The following HIVEP3 variants were observed in gnomAD, a reference collection of about 807,000 sequenced individuals.
The protein encoded by HIVEP3 is HIVEP zinc finger 3, also known as transcription factor HIVEP3.
HIVEP3 carries 49 observed loss-of-function variants against 152.8 expected under a neutral mutation model. The observed-to-expected ratio is 0.32, with a 90% CI of 0.26 to 0.41. The LOEUF is 0.41. Among genes scored for constraint, HIVEP3 ranks in the 10% least tolerant of loss-of-function variants. HIVEP3 has a pLI of 1.00. For missense variants in HIVEP3, 2,790 were observed against 3,103.3 expected (o/e 0.90, Z 2.40); for synonymous variants, 1,269 against 1,289.0 (o/e 0.98, Z 0.33).
intron 2 of HIVEP3, among the ~76,000 whole-genome samples, chr1:41,663,667 C>T (rs1645752696): frequency 6.6e-6 from 1 of 152,208 alleles, no homozygotes; most frequent in South Asian, 2.1e-4. Context: ...GAACCCCCAC[C>T]TTCTAAGAGG....
chr1:41,697,826 G>A (rs1199038963), intron 2 of HIVEP3, among the ~76,000 whole-genome samples: 1 of 152,120 alleles, frequency 6.6e-6, no homozygotes, highest in African/African-American at 2.4e-5. Flanking sequence ...TTTAATTGAG[G>A]GCCTGCTAGG....
chr1:41,879,093 C>T (rs964339055), intron 1 of HIVEP3, among the ~76,000 whole-genome samples: 2 of 152,134 alleles, frequency 1.3e-5, no homozygotes, highest in African/African-American at 4.8e-5. Flanking sequence ...AATCCAGAGG[C>T]GAACAAGGCC....
intron 5 of HIVEP3, among the ~76,000 whole-genome samples, chr1:41,526,029 C>T (rs1299469540): frequency 2.0e-5 from 3 of 152,052 alleles, no homozygotes; most frequent in East Asian, 1.9e-4. Context: ...CACCACCTGC[C>T]CCTGCCTGGT....
chr1:41,824,887 CAG>C (rs1642751002), intron 1 of HIVEP3, among the ~76,000 whole-genome samples: 1 of 131,256 alleles, frequency 7.6e-6, no homozygotes, highest in Non-Finnish European at 1.7e-5. Flanking sequence ...GAAAGAGAGA[CAG>C]AGAGATGGAG....
At chr1:41,613,501 A>C (rs181511486) in intron 3 of HIVEP3, among the ~76,000 whole-genome samples, 225 of 152,346 alleles carry the variant, frequency 1.5e-3, no homozygotes, top group African/African-American at 5.1e-3. Context: ...TTGTGAGTGA[A>C]TAAATAAATA....
chr1:42,005,906 C>A (rs1645456787), intron 1 of HIVEP3, among the ~76,000 whole-genome samples: 1 of 152,166 alleles, frequency 6.6e-6, no homozygotes, highest in South Asian at 2.1e-4. Context: ...CTCTTCTTGG[C>A]TGGTTCAGTG....
At chr1:41,950,994 T>G (rs1645103455) in intron 1 of HIVEP3, among the ~76,000 whole-genome samples, 1 of 152,156 alleles carries the variant, frequency 6.6e-6, no homozygotes, top group Non-Finnish European at 1.5e-5. Context: ...TCTAACCACA[T>G]TTGAACTTTA....
intron 3 of HIVEP3, among the ~76,000 whole-genome samples, chr1:41,610,020 A>G (rs935894258): frequency 6.6e-6 from 1 of 152,212 alleles, no homozygotes; most frequent in Non-Finnish European, 1.5e-5. Flanking sequence ...TGCCCTCCCC[A>G]GAGGACAGGG....
At chr1:41,800,043 A>G (rs1413382199) in intron 1 of HIVEP3, among the ~76,000 whole-genome samples, 9 of 152,198 alleles carry the variant, frequency 5.9e-5, no homozygotes. Flanking sequence ...CAGGGACAAG[A>G]GCATCAATTC....
chr1:41,631,269 G>A (rs1307510292), intron 2 of HIVEP3, among the ~76,000 whole-genome samples: 6 of 152,090 alleles, frequency 3.9e-5, no homozygotes, highest in South Asian at 2.1e-4. Context: ...CACTTCTGAC[G>A]TCTGCAACTT....
chr1:41,752,613 T>C (rs1236756192), intron 1 of HIVEP3, among the ~76,000 whole-genome samples: 2 of 152,160 alleles, frequency 1.3e-5, no homozygotes, highest in African/African-American at 4.8e-5. Flanking sequence ...AGCATCAGCG[T>C]CATCTGGGAA....
At chr1:41,841,720 T>C (rs1643295002) in intron 1 of HIVEP3, among the ~76,000 whole-genome samples, 1 of 152,218 alleles carries the variant, frequency 6.6e-6, no homozygotes, top group African/African-American at 2.4e-5. Context: ...AAGTGATGGC[T>C]CCAGAGGGAG....
chr1:41,561,679 AT>A lies in HIVEP3; in HGVS notation c.5207+13864del, dbSNP rs56969476. On this transcript the variant is annotated intron_variant, in intron 5 of 8. Coordinates refer to ENST00000372583, the MANE Select transcript of HIVEP3 (RefSeq NM_024503.5). ...AGGCACACACTACCATGCCCAGCTA[AT>A]TTTTTTTTTTTTTTTGTAGAGACAA... Among the ~76,000 whole-genome samples the A allele has an allele frequency of 1.9e-3, 247 of 127,078 alleles. 1 individual carries two copies. Among genetic ancestry groups the A allele is most frequent in the East Asian group, 9.7e-3 (36 of 3,712 alleles). The allele number at this position is 127,078 out of a possible 152,430, so 83.4% of individuals were successfully genotyped here.
rs372666409 is a variant in HIVEP3 at position 41,518,493 on chromosome 1, A to G, written c.5384-5T>C. The stretch of plus-strand genomic sequence containing the variant: ...TCATGTGCTTAGTCAGATTCCCTAG[A>G]AAGAAACGAGAATACTTAGGCTCTG... On this transcript the variant is annotated splice_region_variant and splice_polypyrimidine_tract_variant and intron_variant, in intron 6 of 8. Transcript: ENST00000372583. 3 of 1,612,994 alleles carry G rather than the reference A, an allele frequency of 1.9e-6. No individual in the cohort carries two copies. The African/African-American group carries it at 4.0e-5, about 22-fold the overall frequency.
chr1:41,514,115 G>A (rs1338804698), intron 7 of HIVEP3, among the ~76,000 whole-genome samples: 1 of 152,098 alleles, frequency 6.6e-6, no homozygotes, highest in East Asian at 1.9e-4. Context: ...ACAGCAGTAG[G>A]GCTGGGATTG....
chr1:41,842,966 T>C (rs1643332530), intron 1 of HIVEP3, among the ~76,000 whole-genome samples: 1 of 152,200 alleles, frequency 6.6e-6, no homozygotes, highest in South Asian at 2.1e-4. Context: ...AGAAAGATTT[T>C]TGTTTCAAAT....
chr1:41,929,216 C>A (rs929390167), intron 1 of HIVEP3, among the ~76,000 whole-genome samples: 3 of 152,116 alleles, frequency 2.0e-5, no homozygotes, highest in African/African-American at 4.8e-5. Context: ...GAAAAACTGT[C>A]CTTTTTCCCC....
At chr1:41,692,164 C>T (rs578262472) in intron 2 of HIVEP3, among the ~76,000 whole-genome samples, 3 of 152,298 alleles carry the variant, frequency 2.0e-5, no homozygotes, top group African/African-American at 7.2e-5. Flanking sequence ...TTTGAGTTGC[C>T]TAATGTGCGT....
chr1:41,683,732 GTAAAAATT>G (rs1646074659), intron 2 of HIVEP3, among the ~76,000 whole-genome samples: 2 of 152,188 alleles, frequency 1.3e-5, no homozygotes, highest in African/African-American at 4.8e-5. Flanking sequence ...CCAGGACTCA[GTAAAAATT>G]CAAGAGCATG....
Sources: allele counts gnomAD v4.1 joint callset (sites outside exome capture counted in the v4.1 genomes callset), GRCh38; gene constraint gnomAD v4.1.1; transcripts MANE v1.5; gene names NCBI Gene and HGNC (gene_info 2026-07-23, HGNC 2026-07-21).